LGR6: variants seen among roughly 807,000 people sequenced by gnomAD.
LGR6 encodes leucine rich repeat containing G protein-coupled receptor 6, also known as leucine-rich repeat-containing G protein-coupled receptor 6.
In LGR6, 45 loss-of-function variants were observed where a neutral mutation model predicts 69.4. The observed-to-expected ratio is 0.65, with a 90% CI of 0.51 to 0.83. The LOEUF (loss-of-function observed/expected upper bound fraction) is 0.83, where lower values mean the gene tolerates loss of function less well. Among genes scored for constraint, LGR6 ranks in the 40% least tolerant of loss-of-function variants. The pLI, the probability that LGR6 is intolerant of heterozygous loss-of-function variation, is 0.00. For missense variants in LGR6, 1,108 were observed against 1,246.7 expected (o/e 0.89, Z 1.68); for synonymous variants, 538 against 555.0 (o/e 0.97, Z 0.43).
At chr1:202,226,008 A>T (rs1660519447) in intron 2 of LGR6, among the ~76,000 whole-genome samples, 1 of 152,280 alleles carries the variant, frequency 6.6e-6, no homozygotes, top group East Asian at 1.9e-4. Context: ...GCCTTCTGTA[A>T]TTCCCCATGG....
At chr1:202,303,203 C>CAAAAAA in intron 9 of LGR6, 76 bp from the exon 10 acceptor site, 1 of 1,148,788 alleles carries the variant, frequency 8.7e-7, no homozygotes, top group East Asian at 2.4e-5. Flanking sequence ...GGAGGGGAGA[C>CAAAAAA]AAAATGGAGA....
chr1:202,311,809 A>G lies in LGR6; in HGVS notation c.1567+1452A>G, dbSNP rs562301881. Among the ~76,000 whole-genome samples the G allele has an allele frequency of 2.0e-5, 3 of 152,274 alleles. No individual in the cohort carries two copies. The South Asian group carries it at 6.2e-4, about 32-fold the overall frequency. On this transcript the variant is annotated intron_variant, in intron 16 of 17. Coordinates refer to ENST00000367278, the MANE Select transcript of LGR6 (RefSeq NM_001017403.2). ...CCTTCTGGTGTACATGTATAGGGAG[A>G]GTGCAACTGTGGAGTCCGGGGCACA...
intron 6 of LGR6, among the ~76,000 whole-genome samples, chr1:202,282,772 T>C (rs1159675886): frequency 6.6e-6 from 1 of 152,228 alleles, no homozygotes. Flanking sequence ...AATTAGCCAC[T>C]GGATTGCCGC....
rs573317588 is a variant in LGR6 at position 202,208,193 on chromosome 1, T to C, written c.212+13992T>C. Among the ~76,000 whole-genome samples the C allele has an allele frequency of 2.0e-5, 3 of 152,176 alleles. No individual in the cohort carries two copies. In the East Asian group the frequency reaches 5.8e-4, roughly 29 times the overall value. On this transcript the variant is annotated intron_variant, in intron 1 of 17. Transcript: ENST00000367278. ...CCTCCTGACTCCAGCAACTGGAACT[T>C]TAGGTTTGTTCTCTGGTGGAAGTGG...
At chr1:202,230,309 T>A (rs554733028) in intron 3 of LGR6, among the ~76,000 whole-genome samples, 2 of 145,198 alleles carry the variant, frequency 1.4e-5, no homozygotes, top group South Asian at 4.9e-4. Flanking sequence ...TCTTAAGATC[T>A]TCTTCTTCTG....
At chr1:202,258,200 A>G (rs923420054) in intron 4 of LGR6, among the ~76,000 whole-genome samples, 1 of 152,014 alleles carries the variant, frequency 6.6e-6, no homozygotes, top group African/African-American at 2.4e-5. Context: ...ACTAGATATA[A>G]TAATTTCTTT....
chr1:202,291,239 T>A (rs1666769484), intron 6 of LGR6, among the ~76,000 whole-genome samples: 1 of 152,206 alleles, frequency 6.6e-6, no homozygotes, highest in African/African-American at 2.4e-5. Context: ...CCCCTCTGCT[T>A]CTAGCTCCCG....
At chr1:202,251,965 G>T (rs72748711) in intron 4 of LGR6, among the ~76,000 whole-genome samples, 5,332 of 152,018 alleles carry the variant, frequency 0.035, 171 homozygotes, top group Admixed American at 0.1. Flanking sequence ...CAAACAAATA[G>T]TCCCCGGATT....
chr1:202,299,152 T>C (rs1013697868), intron 7 of LGR6, among the ~76,000 whole-genome samples: 1 of 150,378 alleles, frequency 6.6e-6, no homozygotes, highest in Non-Finnish European at 1.5e-5. Flanking sequence ...CCTAGCTACT[T>C]GGGAAGCTGA....
intron 1 of LGR6, among the ~76,000 whole-genome samples, chr1:202,223,392 A>C (rs1316302309): frequency 1.3e-5 from 2 of 152,138 alleles, no homozygotes; most frequent in Middle Eastern, 3.2e-3. Flanking sequence ...CTTTTTATAG[A>C]TTGGAACAGG....
At chr1:202,266,859 A>G (rs1245387013) in intron 4 of LGR6, among the ~76,000 whole-genome samples, 4 of 151,638 alleles carry the variant, frequency 2.6e-5, no homozygotes, top group African/African-American at 9.7e-5. Context: ...CTTGGTGCAC[A>G]CCATTTTCAG....
chr1:202,290,985 T>C (rs1490464756), intron 6 of LGR6, among the ~76,000 whole-genome samples: 2 of 152,192 alleles, frequency 1.3e-5, no homozygotes, highest in Non-Finnish European at 2.9e-5. Context: ...ATCTCTGAAG[T>C]TGGCCATTTC....
Position 202,264,421 on chromosome 1 carries a change from A to G in LGR6, c.429-11885A>G, listed in dbSNP as rs191232843. On this transcript the variant is annotated intron_variant, in intron 4 of 17. Coordinates refer to ENST00000367278, the MANE Select transcript of LGR6 (RefSeq NM_001017403.2). ...CCCTTTCTGGAGAAGCAAGTCGGGA[A>G]GATCTCCATCGGCCTCTTCCTCTAC... 2.7e-3 allele frequency among the ~76,000 whole-genome samples: 405 copies of G among 152,332 alleles called. 3 individuals are homozygous for G. Among genetic ancestry groups the G allele is most frequent in the Admixed American group, 0.01 (159 of 15,300 alleles).
At chr1:202,205,861 C>T (rs1012364974) in intron 1 of LGR6, among the ~76,000 whole-genome samples, 4 of 143,224 alleles carry the variant, frequency 2.8e-5, no homozygotes, top group African/African-American at 1.0e-4. Flanking sequence ...CACACACCTC[C>T]TTCAAACACA....
chr1:202,227,862 G>A, intron 2 of LGR6, 74 bp from the exon 3 acceptor site: 1 of 1,017,710 alleles, frequency 9.8e-7, no homozygotes, highest in South Asian at 1.3e-5. Context: ...CGTATCTCAA[G>A]ACACTTTCTT....
intron 6 of LGR6, among the ~76,000 whole-genome samples, chr1:202,297,175 C>T (rs979316462): frequency 6.6e-6 from 1 of 152,200 alleles, no homozygotes; most frequent in Non-Finnish European, 1.5e-5. Context: ...TCCCCCCTTC[C>T]TCCACTCCTC....
At chr1:202,294,698 T>C (rs1667024373) in intron 6 of LGR6, among the ~76,000 whole-genome samples, 1 of 152,210 alleles carries the variant, frequency 6.6e-6, no homozygotes, top group South Asian at 2.1e-4. Context: ...AGTCACACTA[T>C]ATCACTTCCA....
chr1:202,304,642 C>A lies in LGR6; in HGVS notation c.1070+12C>A. On this transcript the variant is annotated intron_variant, in intron 11 of 17. Transcript: ENST00000367278. The stretch of plus-strand genomic sequence containing the variant: ...AGGCTCCGAGTCCTGTGAGTGCTCA[C>A]AAGAATTCTACAGTCTTGGCATTGT... 6.2e-7 allele frequency: 1 copy of A among 1,603,510 alleles called. No homozygotes were observed. Among genetic ancestry groups the A allele is most frequent in the Non-Finnish European group, 8.5e-7 (1 of 1,171,678 alleles).
At chr1:202,312,708 G>A (rs897454481) in intron 16 of LGR6, among the ~76,000 whole-genome samples, 1 of 152,118 alleles carries the variant, frequency 6.6e-6, no homozygotes, top group South Asian at 2.1e-4. Flanking sequence ...CCCCAACTTG[G>A]GTCTTCAGAC....
Sources: allele counts gnomAD v4.1 joint callset (sites outside exome capture counted in the v4.1 genomes callset), GRCh38; gene constraint gnomAD v4.1.1; transcripts MANE v1.5; gene names NCBI Gene and HGNC (gene_info 2026-07-23, HGNC 2026-07-21).